SENP2: variants seen among roughly 807,000 people sequenced by gnomAD.
SENP2 encodes the protein SUMO specific peptidase 2.
In SENP2, 16 loss-of-function variants were observed where a neutral mutation model predicts 86.3. The observed-to-expected ratio is 0.19, with a 90% CI of 0.13 to 0.28. The LOEUF (loss-of-function observed/expected upper bound fraction) is 0.28. Among genes scored for constraint, SENP2 ranks in the 10% least tolerant of loss-of-function variants. The probability of loss-of-function intolerance (pLI) is 1.00; values close to 1 mark genes in which losing one functional copy is unlikely to be tolerated. For synonymous variants in SENP2, 222 were observed against 238.7 expected (o/e 0.93, Z 0.64); for missense variants, 552 against 703.0 (o/e 0.79, Z 2.43).
Position 185,619,284 on chromosome 3 carries a change from C to A in SENP2, c.1243-15C>A. On this transcript the variant is annotated splice_polypyrimidine_tract_variant and intron_variant, in intron 12 of 16. Coordinates refer to ENST00000296257, the MANE Select transcript of SENP2 (RefSeq NM_021627.3). ...TTTGCCATGTTCCAGCTTTTGCTCCCTTGGTATTTTGTAGGTCATTAATTT... is the reference window on the plus strand; with the variant it reads ...TTTGCCATGTTCCAGCTTTTGCTCCATTGGTATTTTGTAGGTCATTAATTT... 1 of 1,591,512 alleles carries A rather than the reference C, an allele frequency of 6.3e-7. No homozygotes were observed. The highest frequency in any genetic ancestry group is 8.6e-7 in the Non-Finnish European group (1 of 1,159,698).
chr3:185,586,409 C>T lies in SENP2; in HGVS notation c.-5C>T. On this transcript the variant is annotated 5_prime_UTR_variant, in exon 1 of 17. Transcript: ENST00000296257. This position sits in a 1 kb window ranked among gnomAD's most constrained non-coding sequence, Gnocchi z 4.3. ...TGTCGGCCGCCGCTGCTGCTTGGGC[C>T]TGGTATGTACAGATGGCTGGTTAGG... 6.2e-7 allele frequency: 1 copy of T among 1,613,900 alleles called. No homozygotes were observed. The highest frequency in any genetic ancestry group is 8.5e-7 in the Non-Finnish European group (1 of 1,179,980).
rs536463840 is a variant in SENP2, at chr3:185,632,315, A to C, written c.*2471A>C. 1.4e-5 allele frequency: 2 copies of C among 143,406 alleles called. No individual in the cohort carries two copies. The highest frequency in any genetic ancestry group is 5.2e-5 in the African/African-American group (2 of 38,236). The allele number at this position is 143,406 out of a possible 1,614,324, so 8.9% of individuals were successfully genotyped here. A position where few individuals can be genotyped will look rare whatever the true frequency, so the allele number is the denominator to read the frequency against. The stretch of plus-strand genomic sequence containing the variant: ...AATGGTGTGATCTCAGCTCACTGCA[A>C]CCTCCGCCTCCCAGGTTCAAGCGAT... On this transcript the variant is annotated 3_prime_UTR_variant, in exon 17 of 17. Transcript: ENST00000296257.
chr3:185,596,568 T>C (rs1011463457), intron 2 of SENP2, among the ~76,000 whole-genome samples: 5 of 150,332 alleles, frequency 3.3e-5, no homozygotes, highest in African/African-American at 1.2e-4. Flanking sequence ...CTGCAGTGAG[T>C]AGTGATCATG....
In SENP2 at chr3:185,603,451, C is replaced by T. The variant is rs181741404; in HGVS notation, c.449+2596C>T. Among the ~76,000 whole-genome samples, 190 of 152,166 alleles carry T rather than the reference C, an allele frequency of 1.2e-3. 2 individuals carry two copies. The highest frequency in any genetic ancestry group is 1.5e-4 in the Non-Finnish European group (10 of 68,016). ...AGGTCCATTCTACAAAACCATAGGC[C>T]TGTATTCATTAAAAAGATAAAGAAA... is the stretch of plus-strand genomic sequence containing the variant. On this transcript the variant is annotated intron_variant, in intron 5 of 16. Transcript: ENST00000296257.
rs369236428 is a variant in SENP2, at chr3:185,632,213, G to GTTTTTTTTTTTTTTTTTTTT, written c.*2379_*2380insTTTTTTTTTTTTTTTTTTTT. ...CAAATTATCACCATTAAAGCCAGTG[G>GTTTTTTTTTTTTTTTTTTTT]TTTTTTTTTTGTTTTTTTTTTTTGT... On this transcript the variant is annotated 3_prime_UTR_variant, in exon 17 of 17. Transcript: ENST00000296257. 1 of 125,326 alleles carries GTTTTTTTTTTTTTTTTTTTT rather than the reference G, an allele frequency of 8.0e-6. No individual in the cohort carries two copies. The highest frequency in any genetic ancestry group is 1.6e-5 in the Non-Finnish European group (1 of 60,740). The allele number at this position is 125,326 out of a possible 1,614,324, so 7.8% of individuals were successfully genotyped here. A position where few individuals can be genotyped will look rare whatever the true frequency, so the allele number is the denominator to read the frequency against.
intron 2 of SENP2, among the ~76,000 whole-genome samples, chr3:185,593,176 A>G (rs188145193): frequency 6.6e-6 from 1 of 152,274 alleles, no homozygotes; most frequent in East Asian, 1.9e-4. Context: ...GGCAGAGGGA[A>G]TAGTATGGGA....
intron 12 of SENP2, among the ~76,000 whole-genome samples, chr3:185,618,105 C>T (rs888421611): frequency 7.9e-5 from 12 of 152,036 alleles, no homozygotes; most frequent in African/African-American, 1.7e-4. Flanking sequence ...CCACCATGCC[C>T]GGCTAATTTT....
intron 7 of SENP2, among the ~76,000 whole-genome samples, chr3:185,609,994 A>G (rs1009259898): frequency 1.3e-5 from 2 of 152,106 alleles, no homozygotes; most frequent in African/African-American, 4.8e-5. Context: ...AGGAAGTGAT[A>G]TTTGGCCTTG....
chr3:185,603,384 C>T (rs1279822819), intron 5 of SENP2, among the ~76,000 whole-genome samples: 2 of 152,116 alleles, frequency 1.3e-5, no homozygotes, highest in Non-Finnish European at 2.9e-5. Context: ...CCTGCAAAAA[C>T]GATAGACTCT....
At chr3:185,606,569 C>A (rs1722518214) in intron 6 of SENP2, 71 bp downstream of exon 6, 3 of 1,291,956 alleles carry the variant, frequency 2.3e-6, no homozygotes, top group East Asian at 2.5e-5. Context: ...CCTAGAGACA[C>A]TCAGAATGGT....
intron 9 of SENP2, among the ~76,000 whole-genome samples, chr3:185,613,110 T>C (rs950269395): frequency 6.6e-6 from 1 of 152,264 alleles, no homozygotes; most frequent in Non-Finnish European, 1.5e-5. Flanking sequence ...ACTGTCTGGC[T>C]GCTTTTAAAT....
Position 185,586,447 on chromosome 3 carries a change from A to C in SENP2, c.34A>C (p.Ile12Leu). ...YRWLVRILGTIFRFCDRSVPP... is the reference protein window; with the variant it reads ...YRWLVRILGTLFRFCDRSVPP... ...ATGGCTGGTTAGGATTCTCGGCACC[A>C]TTTTCCGTTTCTGCGACCGGTCGGT... Residue 12 changes from isoleucine (I) to leucine (L), a missense_variant, in exon 1 of 17, where the codon ATT becomes CTT. Around this residue, in one of 2 missense-constraint regions of SENP2, gnomAD observed 383 missense variants for 427.3 expected, o/e 0.90. Coordinates refer to ENST00000296257, the MANE Select transcript of SENP2 (RefSeq NM_021627.3). This position sits in a 1 kb window ranked among gnomAD's most constrained non-coding sequence, Gnocchi z 4.3. 6.2e-7 allele frequency: 1 copy of C among 1,613,822 alleles called. No individual in the cohort carries two copies. The highest frequency in any genetic ancestry group is 1.6e-4 in the Middle Eastern group (1 of 6,062).
intron 13 of SENP2, 42 bp from the exon 14 acceptor site, chr3:185,621,784 T>TA: frequency 8.3e-7 from 1 of 1,198,106 alleles, no homozygotes; most frequent in Non-Finnish European, 1.2e-6. Flanking sequence ...TCACTCCTCT[T>TA]ACATTTAAGA....
At chr3:185,611,925 GGC>G (rs1722715475) in intron 8 of SENP2, among the ~76,000 whole-genome samples, 180 bp downstream of exon 8, 1 of 152,210 alleles carries the variant, frequency 6.6e-6, no homozygotes, top group Non-Finnish European at 1.5e-5. Context: ...GGGAGGCCAA[GGC>G]AGATGGATCA....
At position 185,600,800 on chromosome 3, in the gene SENP2, A is replaced by G; in HGVS notation, c.394A>G (p.Lys132Glu). Residue 132 changes from lysine to glutamate, a missense_variant, in exon 5 of 17, where the codon AAG becomes GAG. By Grantham distance (56) the Lys-to-Glu change is moderately conservative. Coordinates refer to ENST00000296257, the MANE Select transcript of SENP2 (RefSeq NM_021627.3). ...TCCTAATGGAATAAGTGACTATCCA[A>G]AGATCAGAGTGACAGTTACCCGAGA... ...KSPNGISDYPKIRVTVTRDQP... is the reference protein window; with the variant it reads ...KSPNGISDYPEIRVTVTRDQP... 6.2e-7 allele frequency: 1 copy of G among 1,611,750 alleles called. No individual in the cohort carries two copies. The highest frequency in any genetic ancestry group is 8.5e-7 in the Non-Finnish European group (1 of 1,177,910).
intron 11 of SENP2, 93 bp from the exon 12 acceptor site, chr3:185,617,387 G>A (rs1285459683): frequency 1.2e-5 from 12 of 995,964 alleles, no homozygotes; most frequent in Admixed American, 8.1e-5. Flanking sequence ...AGGTGTTGCC[G>A]AGATGAAAAA....
chr3:185,591,462 C>G (rs1036504166), intron 2 of SENP2, among the ~76,000 whole-genome samples: 2 of 151,388 alleles, frequency 1.3e-5, no homozygotes, highest in Non-Finnish European at 2.9e-5. Context: ...CACCATTCTC[C>G]TGCCTCAGCC....
rs142657629 is a variant in SENP2 at position 185,606,622 on chromosome 3, C to T, written c.618+124C>T. On this transcript the variant is annotated intron_variant, in intron 6 of 16. Coordinates refer to ENST00000296257, the MANE Select transcript of SENP2 (RefSeq NM_021627.3). ...ATTGTAGGTTTTCCTACAATACAGC[C>T]TCCAACAAAATGAGGCTGTCTTAAA... The T allele has an allele frequency of 7.2e-4, 602 of 836,846 alleles. 2 individuals carry two copies. In the African/African-American group the frequency reaches 9.2e-3, roughly 13 times the overall value. The allele number at this position is 836,846 out of a possible 1,614,324, so 51.8% of individuals were successfully genotyped here. A position where few individuals can be genotyped will look rare whatever the true frequency, so the allele number is the denominator to read the frequency against.
At chr3:185,590,293 A>C in intron 2 of SENP2, 124 bp downstream of exon 2, 2 of 377,832 alleles carry the variant, frequency 5.3e-6, no homozygotes, top group East Asian at 5.2e-5. Context: ...AGTGGCTGTA[A>C]TCCTAGCACT....
Sources: allele counts gnomAD v4.1 joint callset (sites outside exome capture counted in the v4.1 genomes callset), GRCh38; gene constraint gnomAD v4.1.1; regional missense constraint gnomAD v4.1.1; non-coding constraint Gnocchi (gnomAD v3.1); transcripts MANE v1.5; gene names NCBI Gene and HGNC (gene_info 2026-07-23, HGNC 2026-07-21).